Variants in CCDC141 observed in about 807,000 individuals in gnomAD.
CCDC141 encodes the protein coiled-coil domain-containing protein 141.
CCDC141 carries 168 observed loss-of-function variants against 181.0 expected under a neutral mutation model. The ratio of observed to expected loss-of-function variants is 0.93; its 90% CI spans 0.82 to 1.05. CCDC141 has a LOEUF of 1.05. CCDC141 is among the 50% of genes least tolerant of loss of function. CCDC141 has a pLI of 0.00. For synonymous variants in CCDC141, 666 were observed against 642.3 expected, an observed-to-expected ratio of 1.04 and a Z score of -0.56; for missense variants, 1,902 against 1,788.5, an observed-to-expected ratio of 1.06 and a Z score of -1.14.
intron 2 of CCDC141, among the ~76,000 whole-genome samples, chr2:178,998,380 T>C (rs918557797): frequency 2.6e-5 from 4 of 152,194 alleles, no homozygotes; most frequent in African/African-American, 9.6e-5. Flanking sequence ...TCAGCAAGCA[T>C]TTTTCAAATA....
At chr2:179,044,950 C>T (rs1480386756) in intron 2 of CCDC141, among the ~76,000 whole-genome samples, 1 of 146,344 alleles carries the variant, frequency 6.8e-6, no homozygotes, top group African/African-American at 2.5e-5. Context: ...CATTGCTCTT[C>T]CACATCATAA....
intron 2 of CCDC141, among the ~76,000 whole-genome samples, chr2:178,995,436 A>G (rs555433498): frequency 6.6e-6 from 1 of 152,298 alleles, no homozygotes; most frequent in South Asian, 2.1e-4. Context: ...ATCTCCCACC[A>G]GGTCCCTCCC....
chr2:178,963,497 A>G (rs1032215444), intron 4 of CCDC141, among the ~76,000 whole-genome samples: 1 of 152,176 alleles, frequency 6.6e-6, no homozygotes, highest in African/African-American at 2.4e-5. Context: ...ACTAATAAAA[A>G]TGGACTGAAC....
intron 8 of CCDC141, among the ~76,000 whole-genome samples, chr2:178,904,047 TCTGGAAAAG>T (rs961298968): frequency 8.5e-5 from 13 of 152,150 alleles, no homozygotes; most frequent in Non-Finnish European, 1.6e-4. Context: ...ATTTATACAT[TCTGGAAAAG>T]CTGGAAAAGA....
chr2:178,980,675 C>A (rs1691337601), intron 2 of CCDC141, among the ~76,000 whole-genome samples: 1 of 152,084 alleles, frequency 6.6e-6, no homozygotes, highest in Non-Finnish European at 1.5e-5. Context: ...TATACATTGT[C>A]TACAAGAAAC....
intron 2 of CCDC141, among the ~76,000 whole-genome samples, chr2:179,028,946 C>T (rs1388926053): frequency 1.3e-5 from 2 of 152,168 alleles, no homozygotes; most frequent in Non-Finnish European, 2.9e-5. Flanking sequence ...TAAAAACCCA[C>T]TCTTGGCCAC....
chr2:178,977,137 T>C (rs183450552), intron 3 of CCDC141, among the ~76,000 whole-genome samples: 35 of 152,276 alleles, frequency 2.3e-4, no homozygotes, highest in Non-Finnish European at 4.6e-4. Flanking sequence ...AATTAGTCTT[T>C]TCACTAGATT....
chr2:178,999,820 T>C (rs372730451), intron 2 of CCDC141, among the ~76,000 whole-genome samples: 24 of 152,140 alleles, frequency 1.6e-4, no homozygotes, highest in African/African-American at 5.5e-4. Context: ...GCAACACTAT[T>C]CAGAAGTTGT....
At chr2:179,006,391 T>G (rs1465556579) in intron 2 of CCDC141, among the ~76,000 whole-genome samples, 1 of 152,104 alleles carries the variant, frequency 6.6e-6, no homozygotes, top group East Asian at 1.9e-4. Context: ...AAAAAAACAG[T>G]GGGAGTTTTC....
intron 6 of CCDC141, among the ~76,000 whole-genome samples, chr2:178,943,582 G>C (rs764597826): frequency 6.6e-6 from 1 of 152,014 alleles, no homozygotes; most frequent in African/African-American, 2.4e-5. Flanking sequence ...TTGTTTTCTA[G>C]AGCTTTATGA....
intron 2 of CCDC141, among the ~76,000 whole-genome samples, chr2:179,037,048 G>T (rs2043163968): frequency 6.6e-6 from 1 of 152,224 alleles, no homozygotes; most frequent in South Asian, 2.1e-4. Context: ...TGGATCTGAG[G>T]CACAGATACA....
At chr2:178,912,687 T>G (rs538498795) in intron 7 of CCDC141, among the ~76,000 whole-genome samples, 1 of 152,182 alleles carries the variant, frequency 6.6e-6, no homozygotes, top group African/African-American at 2.4e-5. Flanking sequence ...TTCTTAAATA[T>G]CTCTGCATAT....
chr2:178,967,830 T>C (rs1690707337), intron 4 of CCDC141, among the ~76,000 whole-genome samples: 1 of 152,132 alleles, frequency 6.6e-6, no homozygotes, highest in Non-Finnish European at 1.5e-5. Context: ...TAGAGTGCTG[T>C]ATTCAGGAAA....
intron 17 of CCDC141, among the ~76,000 whole-genome samples, chr2:178,862,058 A>G (rs767679866): frequency 4.6e-5 from 7 of 152,186 alleles, no homozygotes; most frequent in Non-Finnish European, 1.0e-4. Context: ...GTATGTGTCT[A>G]TAGCAACACT....
chr2:178,969,476 A>G (rs949536466), intron 4 of CCDC141, among the ~76,000 whole-genome samples: 1 of 152,222 alleles, frequency 6.6e-6, no homozygotes, highest in African/African-American at 2.4e-5. Flanking sequence ...CAACATATGC[A>G]AATCAATAAA....
At chr2:178,826,676 A>T (rs765865547), downstream of CCDC141, among the ~76,000 whole-genome samples, 18 of 152,002 alleles carry the variant, frequency 1.2e-4, no homozygotes, top group Non-Finnish European at 2.5e-4. Context: ...CAAGGAATTG[A>T]TCTAGTTCAT....
rs1383210202 is a variant in CCDC141, at chr2:179,012,922, A to G, written c.226-34247T>C. Among the ~76,000 whole-genome samples the G allele has an allele frequency of 2.0e-5, 3 of 152,310 alleles. No homozygotes were observed. In the East Asian group the frequency reaches 5.8e-4, roughly 29 times the overall value. On this transcript the variant is annotated intron_variant, in intron 2 of 23. Transcript: ENST00000443758. ...ACTCAACAAAATCCAGCATCCCTTT[A>G]TGATTAAAACTCTCAGCAAAATCAG...
chr2:178,989,441 A>C (rs1448757720), intron 2 of CCDC141, among the ~76,000 whole-genome samples: 1 of 151,606 alleles, frequency 6.6e-6, no homozygotes, highest in Non-Finnish European at 1.5e-5. Flanking sequence ...TAAAAATTCA[A>C]AAATTAGCCA....
chr2:178,837,615 A>G lies in CCDC141; in HGVS notation c.3604T>C (p.Ser1202Pro). The G allele has an allele frequency of 3.1e-6, 5 of 1,614,070 alleles. No individual in the cohort carries two copies. The highest frequency in any genetic ancestry group is 4.2e-6 in the Non-Finnish European group (5 of 1,179,974). Residue 1202 changes from serine (S) to proline (P), a missense_variant, in exon 23 of 24, where the codon TCA (serine) becomes CCA (proline). Physicochemically the swap from Ser to Pro is moderately conservative, Grantham distance 74 (BLOSUM62 -1). Coordinates refer to ENST00000443758, the MANE Select transcript of CCDC141 (RefSeq NM_173648.4). The stretch of plus-strand genomic sequence containing the variant: ...GAGACACACTCATATTCTTCCCCTG[A>G]GAGCATGTCTTCAGGCAGGAGCAGG... ...QDLLLPEDML[S>P]GEEYECVSPD...
Sources: allele counts gnomAD v4.1 joint callset (sites outside exome capture counted in the v4.1 genomes callset), GRCh38; gene constraint gnomAD v4.1.1; transcripts MANE v1.5; gene names NCBI Gene and HGNC (gene_info 2026-07-23, HGNC 2026-07-21).